The following C9 variants were observed in gnomAD, a reference collection of about 807,000 sequenced individuals.
The protein encoded by C9 is complement C9, also known as complement component C9.
C9 carries 63 observed loss-of-function variants against 65.4 expected under a neutral mutation model. The ratio of observed to expected loss-of-function variants is 0.96; its 90% CI spans 0.79 to 1.19. The LOEUF (loss-of-function observed/expected upper bound fraction) is 1.19. Among genes scored for constraint, C9 ranks in the 50% most tolerant of loss-of-function variants. The pLI, the probability that C9 is intolerant of heterozygous loss-of-function variation, is 0.00. For missense variants in C9, 744 were observed against 670.1 expected, an observed-to-expected ratio of 1.11 and a Z score of -1.22; for synonymous variants, 229 against 227.9, an observed-to-expected ratio of 1.00 and a Z score of -0.04.
chr5:39,287,891 G>T (rs1024950075), intron 10 of C9, among the ~76,000 whole-genome samples: 2 of 151,872 alleles, frequency 1.3e-5, no homozygotes, highest in Non-Finnish European at 2.9e-5. Context: ...CACTATTTGG[G>T]TGATGCGTAC....
chr5:39,307,646 A>G (rs1018426120), intron 8 of C9, among the ~76,000 whole-genome samples: 5 of 152,300 alleles, frequency 3.3e-5, no homozygotes, highest in Admixed American at 1.3e-4. Context: ...TATTTTAAAA[A>G]TGTTCTCAGG....
At chr5:39,340,712 A>G (rs190131270) in intron 4 of C9, among the ~76,000 whole-genome samples, 1 of 152,170 alleles carries the variant, frequency 6.6e-6, no homozygotes, top group Non-Finnish European at 1.5e-5. Context: ...AATGCTGGAA[A>G]CTCCCAAGAT....
intron 1 of C9, among the ~76,000 whole-genome samples, chr5:39,348,986 A>T (rs1215486669): frequency 8.7e-6 from 1 of 115,560 alleles, no homozygotes; most frequent in East Asian, 2.9e-4. Context: ...ACACTTGGAC[A>T]CAGGGTGGGG....
chr5:39,364,437 C>A lies in C9; in HGVS notation c.28G>T (p.Ala10Ser). The change falls in exon 1 of 11, where the codon GCA becomes TCA. Residue 10 changes from alanine to serine, a missense_variant. Physicochemically the swap from Ala to Ser is moderately conservative, Grantham distance 99. Transcript: ENST00000263408. ...ATGCTTATTTCTAAAATGCAGATTGCAACTGCAAAGCTCCGGCAGGCTGAC... is the reference window on the plus strand; with the variant it reads ...ATGCTTATTTCTAAAATGCAGATTGAAACTGCAAAGCTCCGGCAGGCTGAC... MSACRSFAV[A>S]ICILEISILT... is the part of the protein sequence containing the mutation. 1.2e-6 allele frequency: 2 copies of A among 1,608,894 alleles called. No homozygotes were observed. The highest frequency in any genetic ancestry group is 8.5e-7 in the Non-Finnish European group (1 of 1,175,672).
Position 39,311,382 on chromosome 5 carries a change from G to A in C9, c.871-5C>T, listed in dbSNP as rs1169932076. 3.1e-6 allele frequency: 5 copies of A among 1,610,790 alleles called. No individual in the cohort carries two copies. The South Asian group carries it at 5.5e-5, about 18-fold the overall frequency. On this transcript the variant is annotated splice_region_variant and splice_polypyrimidine_tract_variant and intron_variant, in intron 6 of 10. Transcript: ENST00000263408. Reference sequence around the variant, plus strand: ...CACATGCAGAAACATTTTTTCCTGTGTTGTAGAGCAGATGAAGAAGAGAAA... The same window carrying A: ...CACATGCAGAAACATTTTTTCCTGTATTGTAGAGCAGATGAAGAAGAGAAA...
chr5:39,302,190 A>G (rs1753297608), intron 9 of C9, among the ~76,000 whole-genome samples: 1 of 152,140 alleles, frequency 6.6e-6, no homozygotes, highest in Non-Finnish European at 1.5e-5. Flanking sequence ...GAAAATTAAA[A>G]TGTACTTTTT....
chr5:39,300,385 C>T (rs1003347316), intron 9 of C9, among the ~76,000 whole-genome samples: 3 of 151,968 alleles, frequency 2.0e-5, no homozygotes, highest in Non-Finnish European at 4.4e-5. Flanking sequence ...GCACTCCTGC[C>T]TGGGTGACAG....
chr5:39,348,252 A>T (rs553341482), intron 1 of C9, among the ~76,000 whole-genome samples: 2 of 152,122 alleles, frequency 1.3e-5, no homozygotes, highest in African/African-American at 4.8e-5. Context: ...AATGGGAGAA[A>T]ATTTTTGCAA....
chr5:39,339,816 T>C (rs892717037), intron 4 of C9, among the ~76,000 whole-genome samples: 14 of 151,908 alleles, frequency 9.2e-5, no homozygotes, highest in African/African-American at 3.1e-4. Flanking sequence ...CCCACCACCA[T>C]GCCCTGCTGA....
chr5:39,353,937 C>T (rs265720), intron 1 of C9, among the ~76,000 whole-genome samples: 11,676 of 152,084 alleles, frequency 0.077, 869 homozygotes, highest in African/African-American at 0.19. Context: ...CAAATCTAGG[C>T]CTGTATCTCT....
At chr5:39,357,263 A>G (rs1754427433) in intron 1 of C9, among the ~76,000 whole-genome samples, 1 of 152,262 alleles carries the variant, frequency 6.6e-6, no homozygotes, top group Non-Finnish European at 1.5e-5. Context: ...GGGGAGAAAT[A>G]TAAGCCAATT....
rs1330250726 is a variant in C9 at position 39,341,574 on chromosome 5, C to T, written c.310G>A (p.Asp104Asn). Residue 104 changes from aspartate to asparagine, a missense_variant, in exon 3 of 11, where the codon GAC (aspartate) becomes AAC (asparagine). Physicochemically the swap from Asp to Asn is conservative, Grantham distance 23. Coordinates refer to ENST00000263408, the MANE Select transcript of C9 (RefSeq NM_001737.5). Reference sequence around the variant, plus strand: ...AGATTACCTGTACTGCATTGAAAGTCATTTCCGCAGTCATCCTCAGCATCC... The same window carrying T: ...AGATTACCTGTACTGCATTGAAAGTTATTTCCGCAGTCATCCTCAGCATCC... The part of the protein sequence containing the change: ...CEDAEDDCGN[D>N]FQCSTGRCIK... 1.2e-6 allele frequency: 2 copies of T among 1,614,086 alleles called. No homozygotes were observed. Among genetic ancestry groups the T allele is most frequent in the Non-Finnish European group, 1.7e-6 (2 of 1,179,960 alleles).
chr5:39,347,834 G>A (rs1216033263), intron 1 of C9, among the ~76,000 whole-genome samples: 2 of 152,028 alleles, frequency 1.3e-5, no homozygotes, highest in African/African-American at 4.8e-5. Flanking sequence ...ATAGACCAAT[G>A]GAACAGAATG....
chr5:39,293,086 C>A (rs1321912054), intron 9 of C9, among the ~76,000 whole-genome samples: 1 of 151,496 alleles, frequency 6.6e-6, no homozygotes, highest in Non-Finnish European at 1.5e-5. Flanking sequence ...GTCTTACATG[C>A]CCAGATTACT....
chr5:39,306,773 G>C lies in C9; in HGVS notation c.1260C>G (p.Asn420Lys). ...EGRAVNITSENLIDDVVSLIR... is the reference protein window; with the variant it reads ...EGRAVNITSEKLIDDVVSLIR... Reference sequence around the variant, plus strand: ...TGAGTGAAACAACATCATCTATGAGGTTTTCACTGGTGATGTTTACTGAGG... The same window carrying C: ...TGAGTGAAACAACATCATCTATGAGCTTTTCACTGGTGATGTTTACTGAGG... Residue 420 changes from asparagine to lysine, a missense_variant, in exon 9 of 11, where the codon AAC (asparagine) becomes AAG (lysine). Transcript: ENST00000263408. The C allele has an allele frequency of 6.2e-7, 1 of 1,611,552 alleles. No homozygotes were observed. The highest frequency in any genetic ancestry group is 8.5e-7 in the Non-Finnish European group (1 of 1,177,848).
intron 1 of C9, among the ~76,000 whole-genome samples, chr5:39,344,067 TG>T: frequency 6.6e-6 from 1 of 151,932 alleles, no homozygotes; most frequent in East Asian, 1.9e-4. Context: ...ACCACAAAGA[TG>T]GGGGAAAAAC....
chr5:39,303,305 G>C (rs903839370), intron 9 of C9, among the ~76,000 whole-genome samples: 1 of 151,984 alleles, frequency 6.6e-6, no homozygotes, highest in Non-Finnish European at 1.5e-5. Context: ...TACTGAAAGA[G>C]AGGGCCAGCC....
intron 5 of C9, among the ~76,000 whole-genome samples, chr5:39,328,739 G>A (rs555610770): frequency 3.3e-5 from 5 of 152,254 alleles, no homozygotes; most frequent in African/African-American, 4.8e-5. Context: ...ATGAGGGTGA[G>A]AGCTGAGAGG....
At chr5:39,330,476 C>G (rs1202539461) in intron 5 of C9, among the ~76,000 whole-genome samples, 1 of 152,142 alleles carries the variant, frequency 6.6e-6, no homozygotes, top group Non-Finnish European at 1.5e-5. Context: ...GACAGGAAAA[C>G]CGTAAAATGC....
Sources: allele counts gnomAD v4.1 joint callset (sites outside exome capture counted in the v4.1 genomes callset), GRCh38; gene constraint gnomAD v4.1.1; transcripts MANE v1.5; gene names NCBI Gene and HGNC (gene_info 2026-07-23, HGNC 2026-07-21).